MGST1: variants seen among roughly 807,000 people sequenced by gnomAD.
MGST1 encodes the protein glutathione S-transferase 12.
A neutral mutation model predicts 8.9 loss-of-function variants in MGST1; 5 were observed. The ratio of observed to expected loss-of-function variants is 0.56; its 90% CI spans 0.29 to 1.19. The LOEUF is 1.19. Among genes scored for constraint, MGST1 ranks in the 50% most tolerant of loss-of-function variants. MGST1 has a pLI of 0.08. For synonymous variants in MGST1, 54 were observed against 67.8 expected (o/e 0.80, Z 1.00); for missense variants, 182 against 187.4 (o/e 0.97, Z 0.17).
intron 1 of MGST1, chr12:16,402,074 A>G (rs1399007669): frequency 6.4e-7 from 1 of 1,559,186 alleles, no homozygotes; most frequent in African/African-American, 1.4e-5. Context: ...TGTCAAAGCT[A>G]TTCTTACTAC....
At chr12:16,557,145 C>T (rs1942220180) in intron 4 of MGST1, among the ~76,000 whole-genome samples, 1 of 152,074 alleles carries the variant, frequency 6.6e-6, no homozygotes, top group Admixed American at 6.6e-5. Context: ...AATTACTTTG[C>T]ATCATAATAG....
intron 1 of MGST1, among the ~76,000 whole-genome samples, chr12:16,397,776 A>AT (rs1397842808): frequency 8.8e-6 from 1 of 114,152 alleles, no homozygotes; most frequent in East Asian, 3.0e-4. Context: ...AATCAATAGT[A>AT]TCTTTTTTTT....
intron 1 of MGST1, among the ~76,000 whole-genome samples, chr12:16,349,870 G>A (rs559451947): frequency 2.7e-5 from 4 of 150,560 alleles, no homozygotes; most frequent in African/African-American, 9.8e-5. Context: ...TCAGCCTCCC[G>A]AGTAGCTGGG....
intron 4 of MGST1, among the ~76,000 whole-genome samples, chr12:16,569,059 A>C (rs575023807): frequency 6.6e-6 from 1 of 152,290 alleles, no homozygotes; most frequent in East Asian, 1.9e-4. Context: ...TTTCAGGCTT[A>C]CTCAGTGTTA....
intron 4 of MGST1, among the ~76,000 whole-genome samples, chr12:16,583,403 G>A (rs1213160215): frequency 6.6e-6 from 1 of 152,022 alleles, no homozygotes; most frequent in African/African-American, 2.4e-5. Context: ...AAAATCTTGG[G>A]TACAGCCATA....
Position 16,363,748 on chromosome 12 carries a change from T to C in MGST1, c.222-47T>C, listed in dbSNP as rs927148546. 3 of 1,464,878 alleles carry C rather than the reference T, an allele frequency of 2.0e-6. No homozygotes were observed. The highest frequency in any genetic ancestry group is 1.8e-6 in the Non-Finnish European group (2 of 1,083,366). 90.7% of individuals were successfully genotyped at this position (1,464,878 alleles called of 1,614,324 possible). ...GAAGAGAGAGAAAAAAGGATACATA[T>C]CTAGTATTTTGAAATTAGTGTCTTT... On this transcript the variant is annotated intron_variant, in intron 3 of 3. Transcript: ENST00000396210. This position sits in a 1 kb window ranked among gnomAD's most constrained non-coding sequence, Gnocchi z 4.6.
At chr12:16,393,055 A>T (rs2137054067) in intron 1 of MGST1, among the ~76,000 whole-genome samples, 1 of 152,266 alleles carries the variant, frequency 6.6e-6, no homozygotes, top group South Asian at 2.1e-4. Context: ...TTGAAGTTTT[A>T]TAAGGGGGAA....
At chr12:16,483,355 A>T (rs183862382) in intron 4 of MGST1, among the ~76,000 whole-genome samples, 1 of 151,980 alleles carries the variant, frequency 6.6e-6, no homozygotes, top group African/African-American at 2.4e-5. Context: ...TGATAAAATC[A>T]TAATGTTAAC....
At position 16,466,548 on chromosome 12, in the gene MGST1, A is replaced by G. The variant is rs571021299; in HGVS notation, n.482+82944A>G. Among the ~76,000 whole-genome samples, 7 of 152,320 alleles carry G rather than the reference A, an allele frequency of 4.6e-5. No homozygotes were observed. The South Asian group carries it at 1.4e-3, about 32-fold the overall frequency. ...TGAAAGTGTTGATACCACACTGAAG[A>G]AAAAAAGACTGATTTTTTGGGGTCA... is the stretch of plus-strand genomic sequence containing the variant. On this transcript the variant is annotated intron_variant and non_coding_transcript_variant, in intron 4 of 4. Transcript: ENST00000538857.
chr12:16,421,095 T>C (rs772661193), intron 1 of MGST1, among the ~76,000 whole-genome samples: 22 of 152,128 alleles, frequency 1.4e-4, no homozygotes, highest in Non-Finnish European at 2.6e-4. Flanking sequence ...CTAGATTACT[T>C]AACCAGATGA....
intron 4 of MGST1, among the ~76,000 whole-genome samples, chr12:16,542,740 C>T (rs1941800086): frequency 6.6e-6 from 1 of 152,202 alleles, no homozygotes; most frequent in Admixed American, 6.5e-5. Context: ...TCTTGTCTCT[C>T]CCCGAGGCCA....
At position 16,496,617 on chromosome 12, in the gene MGST1, C is replaced by T. The variant is rs118064957; in HGVS notation, n.483-92911C>T. ...GTATCCAGTAGTTAGTGTTTCAACC[C>T]TGGACTCCTTCTCTCCCTCTCCCTT... is the stretch of plus-strand genomic sequence containing the variant. On this transcript the variant is annotated intron_variant and non_coding_transcript_variant, in intron 4 of 4. Coordinates refer to the MGST1 transcript ENST00000538857. Among the ~76,000 whole-genome samples, 159 of 152,210 alleles carry T rather than the reference C, an allele frequency of 1.0e-3. 3 individuals carry two copies. The East Asian group carries it at 0.026, about 25-fold the overall frequency.
intron 3 of MGST1, 91 bp downstream of exon 3, chr12:16,357,790 GA>G (rs1565435819): frequency 6.4e-6 from 6 of 939,960 alleles, no homozygotes; most frequent in East Asian, 2.7e-5. Flanking sequence ...GGAGACTGAG[GA>G]AAAAAAGTGA....
rs77549849 is a variant in MGST1 at position 16,586,632 on chromosome 12, G to A, written n.483-2896G>A. On this transcript the variant is annotated intron_variant and non_coding_transcript_variant, in intron 4 of 4. Transcript: ENST00000538857. The surrounding 1 kb of genome is among the most constrained non-coding windows in gnomAD (Gnocchi z 4.3). ...TTGGCAGGACCACTTGTCTCCCAAA[G>A]CCTGTCCTAGGATGTGGCAATAAGG... Among the ~76,000 whole-genome samples the A allele has an allele frequency of 3.3e-5, 5 of 152,186 alleles. No individual in the cohort carries two copies. Among genetic ancestry groups the A allele is most frequent in the Non-Finnish European group, 7.3e-5 (5 of 68,038 alleles).
intron 3 of MGST1, among the ~76,000 whole-genome samples, chr12:16,359,689 T>C (rs1260154770): frequency 6.6e-6 from 1 of 152,224 alleles, no homozygotes; most frequent in African/African-American, 2.4e-5. Context: ...TGTCTGGTCC[T>C]TTATGCACTT....
At chr12:16,487,244 A>G (rs1211805324) in intron 4 of MGST1, among the ~76,000 whole-genome samples, 1 of 152,224 alleles carries the variant, frequency 6.6e-6, no homozygotes, top group Non-Finnish European at 1.5e-5. Flanking sequence ...ATTTTCAATA[A>G]AAGAAATCCC....
At chr12:16,378,048 C>T (rs1429498798), downstream of MGST1, among the ~76,000 whole-genome samples, 1 of 151,530 alleles carries the variant, frequency 6.6e-6, no homozygotes, top group African/African-American at 2.4e-5. Flanking sequence ...GGATATTAGC[C>T]CTTTGTCAGA....
intron 1 of MGST1, among the ~76,000 whole-genome samples, chr12:16,398,385 G>A (rs1041202773): frequency 4.6e-5 from 7 of 152,192 alleles, no homozygotes; most frequent in Non-Finnish European, 1.0e-4. Flanking sequence ...GCAGTGCTGA[G>A]AGGCTGTGTT....
chr12:16,581,486 C>A (rs1943158128), intron 4 of MGST1, among the ~76,000 whole-genome samples: 1 of 152,150 alleles, frequency 6.6e-6, no homozygotes, highest in African/African-American at 2.4e-5. Flanking sequence ...TACATAAAGG[C>A]AAATATTTCT....
Sources: allele counts gnomAD v4.1 joint callset (sites outside exome capture counted in the v4.1 genomes callset), GRCh38; gene constraint gnomAD v4.1.1; non-coding constraint Gnocchi (gnomAD v3.1); transcripts MANE v1.5; gene names NCBI Gene and HGNC (gene_info 2026-07-23, HGNC 2026-07-21).